ASCC3: variants seen among roughly 807,000 people sequenced by gnomAD.
ASCC3 encodes ASC-1 complex subunit P200.
ASCC3 carries 158 observed loss-of-function variants against 256.3 expected under a neutral mutation model. The ratio of observed to expected loss-of-function variants is 0.62; its 90% confidence interval spans 0.54 to 0.70. ASCC3 has a LOEUF of 0.70. Ranked by LOEUF, ASCC3 falls within the 30% of genes least tolerant of loss-of-function variation. The pLI is 0.00. For synonymous variants in ASCC3, 948 were observed against 883.4 expected, an observed-to-expected ratio of 1.07 and a Z score of -1.30; for missense variants, 2,259 against 2,626.0, an observed-to-expected ratio of 0.86 and a Z score of 3.05.
chr6:100,679,655 G>C lies in ASCC3; in HGVS notation c.2249C>G (p.Pro750Arg), dbSNP rs1450068185. The C allele has an allele frequency of 2.5e-6, 4 of 1,613,434 alleles. No individual in the cohort carries two copies. The highest frequency in any genetic ancestry group is 3.4e-6 in the Non-Finnish European group (4 of 1,179,682). ...KNCGHIPFFF[P>R]TQGHDYVLAE... Reference sequence around the variant, plus strand: ...AAGTACATAGTCATGTCCTTGGGTAGGAAAAAAGAAGGGAATATGGCCACA... The same window carrying C: ...AAGTACATAGTCATGTCCTTGGGTACGAAAAAAGAAGGGAATATGGCCACA... The change falls in exon 14 of 42, where the codon CCT (proline) becomes CGT (arginine). Residue 750 changes from proline to arginine, a missense_variant. Pro to Arg is a moderately radical substitution (Grantham distance 103, BLOSUM62 -2). Coordinates refer to ENST00000369162, the MANE Select transcript of ASCC3 (RefSeq NM_006828.4).
At chr6:100,646,008 G>C (rs1562194785) in intron 22 of ASCC3, among the ~76,000 whole-genome samples, 1 of 151,950 alleles carries the variant, frequency 6.6e-6, no homozygotes, top group Admixed American at 6.6e-5. Flanking sequence ...AAAAAGGAAA[G>C]AATATTAATT....
At chr6:100,586,620 G>A (rs937969306) in intron 36 of ASCC3, among the ~76,000 whole-genome samples, 2 of 152,092 alleles carry the variant, frequency 1.3e-5, no homozygotes, top group African/African-American at 4.8e-5. Context: ...GGCACTCCCT[G>A]GTGAGATGAA....
chr6:100,601,697 G>A, intron 34 of ASCC3, 113 bp downstream of exon 34: 1 of 1,239,844 alleles, frequency 8.1e-7, no homozygotes, highest in Non-Finnish European at 1.1e-6. Context: ...CATATACCTA[G>A]AATCTCCAAA....
At chr6:100,608,080 GTATATATATCTATATACACATA>G (rs1562160865) in intron 30 of ASCC3, among the ~76,000 whole-genome samples, 6 of 84,868 alleles carry the variant, frequency 7.1e-5, no homozygotes, top group African/African-American at 2.9e-4. Flanking sequence ...ACATATATAT[GTATATATATCTATATACACATA>G]TATATGTATA....
At chr6:100,655,309 A>T (rs986937819) in intron 17 of ASCC3, among the ~76,000 whole-genome samples, 8 of 151,910 alleles carry the variant, frequency 5.3e-5, no homozygotes, top group African/African-American at 1.9e-4. Context: ...GGATTAGAAG[A>T]GACTTGATAA....
chr6:100,630,365 G>A (rs79185893), intron 26 of ASCC3, among the ~76,000 whole-genome samples: 4,612 of 151,912 alleles, frequency 0.03, 78 homozygotes, highest in African/African-American at 0.055. Flanking sequence ...TACAGGGAAT[G>A]GTCTCCATAA....
At chr6:100,590,560 T>C (rs1771953725) in intron 34 of ASCC3, among the ~76,000 whole-genome samples, 1 of 152,124 alleles carries the variant, frequency 6.6e-6, no homozygotes, top group Admixed American at 6.6e-5. Context: ...CCCTATATCC[T>C]AGTCAGCATG....
intron 10 of ASCC3, among the ~76,000 whole-genome samples, chr6:100,748,979 C>T (rs532484022): frequency 9.2e-5 from 14 of 151,882 alleles, no homozygotes; most frequent in Non-Finnish European, 1.6e-4. Context: ...GAAATTTAAG[C>T]CTATGCCGAT....
intron 11 of ASCC3, among the ~76,000 whole-genome samples, chr6:100,721,228 A>G (rs1031722696): frequency 6.6e-6 from 1 of 151,694 alleles, no homozygotes; most frequent in Non-Finnish European, 1.5e-5. Context: ...TGGAAAATAT[A>G]CTAATGATAT....
chr6:100,808,825 T>C (rs1489569606), intron 4 of ASCC3, among the ~76,000 whole-genome samples: 3 of 151,930 alleles, frequency 2.0e-5, no homozygotes, highest in Non-Finnish European at 4.4e-5. Flanking sequence ...GGCAGTATAC[T>C]ACACAGCTAG....
intron 8 of ASCC3, among the ~76,000 whole-genome samples, chr6:100,771,417 G>C (rs181356609): frequency 6.6e-6 from 1 of 152,052 alleles, no homozygotes; most frequent in Admixed American, 6.6e-5. Context: ...CAGTAAATTT[G>C]ACTTAAGCAA....
At chr6:100,660,099 T>A (rs1776120976) in intron 16 of ASCC3, among the ~76,000 whole-genome samples, 1 of 151,618 alleles carries the variant, frequency 6.6e-6, no homozygotes, top group African/African-American at 2.4e-5. Context: ...AATAGAGGCC[T>A]GAGAAGAGGG....
At chr6:100,539,795 T>C (rs1775353060) in intron 37 of ASCC3, among the ~76,000 whole-genome samples, 1 of 152,196 alleles carries the variant, frequency 6.6e-6, no homozygotes. Context: ...ATAGCAGTTA[T>C]TGAAAAATGG....
intron 37 of ASCC3, among the ~76,000 whole-genome samples, chr6:100,523,617 G>A (rs1011665149): frequency 1.4e-4 from 21 of 152,164 alleles, no homozygotes; most frequent in African/African-American, 4.6e-4. Flanking sequence ...CTTATGACTT[G>A]GATACACCAC....
At chr6:100,797,372 C>G (rs543448215) in intron 8 of ASCC3, among the ~76,000 whole-genome samples, 169 of 148,086 alleles carry the variant, frequency 1.1e-3, no homozygotes, top group African/African-American at 4.0e-3. Flanking sequence ...ATTGCTTGAA[C>G]CCTTGAACCC....
At chr6:100,622,363 A>T (rs896837370) in intron 30 of ASCC3, among the ~76,000 whole-genome samples, 2 of 152,100 alleles carry the variant, frequency 1.3e-5, no homozygotes, top group Non-Finnish European at 2.9e-5. Flanking sequence ...ATCGTTTTAT[A>T]CCGGGCTCTT....
intron 37 of ASCC3, among the ~76,000 whole-genome samples, chr6:100,533,985 T>TA (rs2114649932): frequency 6.6e-6 from 1 of 152,292 alleles, no homozygotes; most frequent in East Asian, 1.9e-4. Context: ...TGTTCTTTGA[T>TA]AAAAAACAGT....
At chr6:100,753,935 A>G (rs1258435093) in intron 10 of ASCC3, among the ~76,000 whole-genome samples, 1 of 152,170 alleles carries the variant, frequency 6.6e-6, no homozygotes, top group Non-Finnish European at 1.5e-5. Flanking sequence ...TAATATGGTC[A>G]CTATATGACA....
At chr6:100,647,158 T>A in intron 21 of ASCC3, 68 bp downstream of exon 21, 1 of 1,362,124 alleles carries the variant, frequency 7.3e-7, no homozygotes. Flanking sequence ...CAATACCTTC[T>A]TTTACACCCA....
Sources: gnomAD v4.1 joint callset for allele counts (sites outside exome capture counted in the v4.1 genomes callset) on GRCh38, gnomAD v4.1.1 for gene constraint, MANE v1.5 for transcripts, NCBI Gene and HGNC (gene_info 2026-07-23, HGNC 2026-07-21) for gene names.